Variants in TTC23 observed in about 807,000 individuals in gnomAD.
The protein encoded by TTC23 is tetratricopeptide repeat domain 23.
A neutral mutation model predicts 55.1 loss-of-function variants in TTC23; 58 were observed. That is an observed-to-expected ratio of 1.05 (90% CI 0.85 to 1.31). The LOEUF is 1.31. TTC23 is among the 50% of genes most tolerant of loss of function. The pLI, the probability that TTC23 is intolerant of heterozygous loss-of-function variation, is 0.00. For missense variants in TTC23, 516 were observed against 534.4 expected, an observed-to-expected ratio of 0.97 and a Z score of 0.34; for synonymous variants, 203 against 199.9, an observed-to-expected ratio of 1.02 and a Z score of -0.13.
intron 2 of TTC23, 109 bp downstream of exon 2, chr15:99,245,280 G>A (rs1045125887): frequency 2.0e-5 from 3 of 152,428 alleles, no homozygotes; most frequent in Admixed American, 6.5e-5. Context: ...GGGAGGCCGA[G>A]GTGGGCGGAT....
chr15:99,239,738 T>C (rs889030105), intron 3 of TTC23, among the ~76,000 whole-genome samples: 1 of 152,092 alleles, frequency 6.6e-6, no homozygotes, highest in Non-Finnish European at 1.5e-5. Flanking sequence ...GAAAGAGCAG[T>C]AGCCAGAGAT....
chr15:99,223,277 C>T (rs2078104427), intron 5 of TTC23, among the ~76,000 whole-genome samples: 1 of 152,166 alleles, frequency 6.6e-6, no homozygotes, highest in Non-Finnish European at 1.5e-5. Flanking sequence ...AAGTCCCAAT[C>T]CCCAGCACCT....
chr15:99,198,937 G>T (rs1158869223), intron 9 of TTC23, among the ~76,000 whole-genome samples: 1 of 152,082 alleles, frequency 6.6e-6, no homozygotes, highest in Admixed American at 6.5e-5. Context: ...AAGTGCCTTT[G>T]GCATGATACA....
At chr15:99,183,865 CT>C (rs759688079) in intron 9 of TTC23, among the ~76,000 whole-genome samples, 7 of 152,118 alleles carry the variant, frequency 4.6e-5, no homozygotes, top group Non-Finnish European at 8.8e-5. Context: ...AGCAGCCCCC[CT>C]TATCACAGGC....
At chr15:99,178,441 A>C (rs978496593) in intron 9 of TTC23, among the ~76,000 whole-genome samples, 1 of 152,242 alleles carries the variant, frequency 6.6e-6, no homozygotes, top group Non-Finnish European at 1.5e-5. Context: ...CATCTCATTT[A>C]TTCAGTAAAA....
upstream of TTC23, chr15:99,249,801 T>G (rs1445456822): frequency 6.6e-6 from 1 of 152,184 alleles, no homozygotes. Context: ...TTTTTTCCCC[T>G]TTAAGAGAGA....
chr15:99,176,808 C>T (rs1402315011), intron 9 of TTC23, among the ~76,000 whole-genome samples: 1 of 152,148 alleles, frequency 6.6e-6, no homozygotes, highest in Non-Finnish European at 1.5e-5. Context: ...TATGATATCT[C>T]ACAGCTAATA....
intron 12 of TTC23, among the ~76,000 whole-genome samples, chr15:99,153,416 C>T (rs568895520): frequency 4.6e-5 from 7 of 152,180 alleles, no homozygotes; most frequent in Admixed American, 2.0e-4. Flanking sequence ...AGGTGTCACA[C>T]GTGTTACCAA....
intron 8 of TTC23, among the ~76,000 whole-genome samples, chr15:99,204,997 G>C (rs948164637): frequency 6.6e-6 from 1 of 152,114 alleles, no homozygotes; most frequent in African/African-American, 2.4e-5. Context: ...TAGGGGTCTA[G>C]TTTCATTCTT....
intron 10 of TTC23, among the ~76,000 whole-genome samples, chr15:99,165,870 A>G (rs2072001497): frequency 1.3e-5 from 2 of 152,184 alleles, no homozygotes; most frequent in Non-Finnish European, 2.9e-5. Flanking sequence ...ACAGAGATGA[A>G]CATTCATGTC....
chr15:99,154,674 G>A (rs1405209741), intron 12 of TTC23, among the ~76,000 whole-genome samples: 4 of 152,142 alleles, frequency 2.6e-5, no homozygotes, highest in South Asian at 2.1e-4. Context: ...TTTATTTATT[G>A]TGATTTATTT....
chr15:99,157,594 G>C (rs1191925479), intron 11 of TTC23: 3 of 152,108 alleles, frequency 2.0e-5, no homozygotes, highest in Admixed American at 2.0e-4. Context: ...TAGCATTCCT[G>C]GGCAAATTAT....
At position 99,227,533 on chromosome 15, in the gene TTC23, A is replaced by C. The variant is rs80230651; in HGVS notation, c.180+1000T>G. Among the ~76,000 whole-genome samples, 32 of 152,210 alleles carry C rather than the reference A, an allele frequency of 2.1e-4. No homozygotes were observed. The East Asian group carries it at 5.8e-3, about 28-fold the overall frequency. ...ACAGCTATGGGAGTGACTGTTCTTA[A>C]AATCAGACCTGCTCATGGCATGCTT... is the stretch of plus-strand genomic sequence containing the variant. On this transcript the variant is annotated intron_variant, in intron 5 of 13. Transcript: ENST00000394132.
chr15:99,211,674 T>G lies in TTC23; in HGVS notation c.581+6914A>C, dbSNP rs558714879. On this transcript the variant is annotated intron_variant, in intron 8 of 13. Transcript: ENST00000394132. ...CTTTCTTGCTTCTGAGGGTCTCCCA[T>G]GCACCTAGATGCTTTAAAGTAATAT... Among the ~76,000 whole-genome samples, 3 of 152,198 alleles carry G rather than the reference T, an allele frequency of 2.0e-5. No homozygotes were observed. In the East Asian group the frequency reaches 5.8e-4, roughly 29 times the overall value.
rs1004221114 is a variant in TTC23, at chr15:99,166,549, G to A, written c.866-4682C>T. On this transcript the variant is annotated intron_variant, in intron 10 of 13. Coordinates refer to ENST00000394132, the MANE Select transcript of TTC23 (RefSeq NM_001288615.3). ...GGGAGGAAGGAAGGGAGGAGAGTGC[G>A]GAAGGAGTGTATTCCTTACATGAAG... 7.9e-5 allele frequency among the ~76,000 whole-genome samples: 12 copies of A among 152,296 alleles called. No individual in the cohort carries two copies. In the Middle Eastern group the frequency reaches 0.01, roughly 130 times the overall value.
chr15:99,215,616 C>T (rs2077414543), intron 8 of TTC23, among the ~76,000 whole-genome samples: 1 of 151,978 alleles, frequency 6.6e-6, no homozygotes, highest in African/African-American at 2.4e-5. Flanking sequence ...TGTGGTGGCA[C>T]ACACCTGTAG....
chr15:99,207,206 G>A (rs1021970328), intron 8 of TTC23, among the ~76,000 whole-genome samples: 1 of 152,048 alleles, frequency 6.6e-6, no homozygotes, highest in African/African-American at 2.4e-5. Flanking sequence ...AGGTAAAATT[G>A]ATCATATTAA....
At chr15:99,239,236 C>T (rs2079564314) in intron 3 of TTC23, among the ~76,000 whole-genome samples, 1 of 152,176 alleles carries the variant, frequency 6.6e-6, no homozygotes, top group Non-Finnish European at 1.5e-5. Flanking sequence ...GTAATCCCAG[C>T]AGCACTGTGG....
intron 3 of TTC23, among the ~76,000 whole-genome samples, chr15:99,237,416 TG>T (rs1296707212): frequency 1.3e-5 from 2 of 152,092 alleles, no homozygotes; most frequent in East Asian, 1.9e-4. Flanking sequence ...AATGGGTAAA[TG>T]GGTAAGCAAA....
Sources: allele counts gnomAD v4.1 joint callset (sites outside exome capture counted in the v4.1 genomes callset), GRCh38; gene constraint gnomAD v4.1.1; transcripts MANE v1.5; gene names NCBI Gene and HGNC (gene_info 2026-07-23, HGNC 2026-07-21).